ABCA4: variants seen among roughly 807,000 people sequenced by gnomAD.
ABCA4 encodes retinal-specific phospholipid-transporting ATPase ABCA4.
In ABCA4, 196 loss-of-function variants were observed where a neutral mutation model predicts 263.7. That is an observed-to-expected ratio of 0.74 (90% CI 0.66 to 0.84). The LOEUF (loss-of-function observed/expected upper bound fraction) is 0.84. ABCA4 is among the 40% of genes least tolerant of loss of function. The pLI is 0.00. For missense variants in ABCA4, 2,792 were observed against 2,855.1 expected, an observed-to-expected ratio of 0.98 and a Z score of 0.50; for synonymous variants, 1,133 against 1,094.2, an observed-to-expected ratio of 1.04 and a Z score of -0.70.
chr1:94,021,793 T>C, intron 33 of ABCA4, 53 bp downstream of exon 33: 2 of 1,606,580 alleles, frequency 1.2e-6, no homozygotes, highest in Admixed American at 1.7e-5. Context: ...TTCTCATTCA[T>C]GGTAGTTAAG....
chr1:94,017,731 G>GA (rs1659778724), intron 36 of ABCA4, among the ~76,000 whole-genome samples: 1 of 152,116 alleles, frequency 6.6e-6, no homozygotes, highest in South Asian at 2.1e-4. Flanking sequence ...GTGTGAGAGA[G>GA]AGAGACAGGA....
At position 94,060,544 on chromosome 1, in the gene ABCA4, A is replaced by T; in HGVS notation, c.2153T>A (p.Phe718Tyr). Residue 718 changes from phenylalanine to tyrosine, a missense_variant, in exon 14 of 50, where the codon TTC becomes TAC. Phe to Tyr is a conservative substitution (Grantham distance 22). Coordinates refer to ENST00000370225, the MANE Select transcript of ABCA4 (RefSeq NM_000350.3). ...MSMSIFLLTI[F>Y]IMHGRILHYS... ...CTTCTCCATTTGGCTTACCATGATG[A>T]ATATCGTCAGGAGGAAGATGCTCAT... 6.2e-7 allele frequency: 1 copy of T among 1,613,854 alleles called. No homozygotes were observed. The highest frequency in any genetic ancestry group is 8.5e-7 in the Non-Finnish European group (1 of 1,179,988).
intron 31 of ABCA4, 60 bp from the exon 32 acceptor site, chr1:94,023,478 T>G: frequency 2.2e-6 from 3 of 1,385,380 alleles, no homozygotes; most frequent in Non-Finnish European, 3.1e-6. Context: ...CCGTTAACTT[T>G]CTTTCCCAAA....
Position 94,063,372 on chromosome 1 carries a change from A to G in ABCA4, c.1555-55T>C. On this transcript the variant is annotated intron_variant, in intron 11 of 49. Transcript: ENST00000370225. ...TGAGGAGGACCAACTGCAAAGACTC[A>G]ACTCTACACACAGAAAGTCACAGGA... The G allele has an allele frequency of 5.3e-6, 8 of 1,519,072 alleles. No individual in the cohort carries two copies. In the South Asian group the frequency reaches 9.0e-5, roughly 17 times the overall value. The allele number at this position is 1,519,072 out of a possible 1,614,324, so 94.1% of individuals were successfully genotyped here.
intron 47 of ABCA4, among the ~76,000 whole-genome samples, chr1:94,000,562 T>G (rs1275556917): frequency 6.6e-6 from 1 of 152,176 alleles, no homozygotes; most frequent in Non-Finnish European, 1.5e-5. Flanking sequence ...CAGCCCTCCC[T>G]CATCCCAGCC....
chr1:94,018,718 G>T, intron 36 of ABCA4: 1 of 414,050 alleles, frequency 2.4e-6, no homozygotes, highest in South Asian at 1.8e-5. Flanking sequence ...ATAAATTGGG[G>T]TTGATGTCAT....
At chr1:94,086,805 C>G (rs978123407) in intron 6 of ABCA4, among the ~76,000 whole-genome samples, 1 of 152,234 alleles carries the variant, frequency 6.6e-6, no homozygotes, top group Admixed American at 6.5e-5. Flanking sequence ...GGAGAACACC[C>G]TGCCCCAAAT....
chr1:94,080,774 T>G, intron 7 of ABCA4, 56 bp from the exon 8 acceptor site: 1 of 1,611,444 alleles, frequency 6.2e-7, no homozygotes, highest in Non-Finnish European at 8.5e-7. Context: ...CATAATCTGC[T>G]GTGAGGCCAA....
chr1:94,008,278 C>A lies in ABCA4; in HGVS notation c.5855G>T (p.Ser1952Ile). ...ELTKIYPGTS[S>I]PAVDRLCVGV... is the part of the protein sequence containing the mutation. ...GACACACAGCCTGTCCACTGCTGGG[C>A]TGGAGGTGCCTGGATAAATCTGCAA... is the stretch of plus-strand genomic sequence containing the variant. The change falls in exon 42 of 50, where the codon AGC becomes ATC. Residue 1952 changes from serine (S) to isoleucine (I), a missense_variant. Coordinates refer to ENST00000370225, the MANE Select transcript of ABCA4 (RefSeq NM_000350.3). 1 of 1,614,122 alleles carries A rather than the reference C, an allele frequency of 6.2e-7. No individual in the cohort carries two copies. Among genetic ancestry groups the A allele is most frequent in the Non-Finnish European group, 8.5e-7 (1 of 1,180,028 alleles).
rs185590596 is a variant in ABCA4, at chr1:94,065,448, G to A, written c.1555-2131C>T. 1.8e-3 allele frequency among the ~76,000 whole-genome samples: 280 copies of A among 152,282 alleles called. 2 individuals carry two copies. Among genetic ancestry groups the A allele is most frequent in the Non-Finnish European group, 1.7e-3 (114 of 68,030 alleles). On this transcript the variant is annotated intron_variant, in intron 11 of 49. Coordinates refer to ENST00000370225, the MANE Select transcript of ABCA4 (RefSeq NM_000350.3). ...CCACAGAACCAAGCTCCACTGCACT[G>A]GGAAGAAGTAGGCAATCCCAATTCA...
At position 94,080,462 on chromosome 1, in the gene ABCA4, G is replaced by C. The variant is rs750589580; in HGVS notation, c.1099+16C>G. The stretch of plus-strand genomic sequence containing the variant: ...ACATGAGAGGCCAATTTATAAGCAG[G>C]ACTCAGAAAACTTACTTGTTCTTCT... On this transcript the variant is annotated intron_variant, in intron 8 of 49. Transcript: ENST00000370225. The C allele has an allele frequency of 6.2e-7, 1 of 1,614,034 alleles. No individual in the cohort carries two copies. Among genetic ancestry groups the C allele is most frequent in the South Asian group, 1.1e-5 (1 of 91,016 alleles).
chr1:94,098,194 T>C (rs1412255538), intron 6 of ABCA4, among the ~76,000 whole-genome samples: 5 of 152,238 alleles, frequency 3.3e-5, no homozygotes. Flanking sequence ...GATGCAGTTC[T>C]AGAACAAAGG....
chr1:94,081,245 A>G (rs1018567448), intron 7 of ABCA4, among the ~76,000 whole-genome samples: 1 of 151,608 alleles, frequency 6.6e-6, no homozygotes, highest in East Asian at 1.9e-4. Context: ...CAACAACAAC[A>G]ACAAATCACA....
chr1:94,119,693 A>C (rs1330708383), intron 1 of ABCA4, among the ~76,000 whole-genome samples: 1 of 151,892 alleles, frequency 6.6e-6, no homozygotes, highest in Non-Finnish European at 1.5e-5. Flanking sequence ...TGTGTCCTGC[A>C]ATTGCTACCT....
chr1:94,088,737 A>G (rs995745465), intron 6 of ABCA4, among the ~76,000 whole-genome samples: 3 of 152,178 alleles, frequency 2.0e-5, no homozygotes, highest in African/African-American at 4.8e-5. Flanking sequence ...GACATCTGAA[A>G]GGCTACTTTA....
chr1:93,995,981 C>CAT (rs1658988509), intron 49 of ABCA4, 128 bp downstream of exon 49: 2 of 764,610 alleles, frequency 2.6e-6, no homozygotes, highest in African/African-American at 3.4e-5. Context: ...TGGTAGGGAC[C>CAT]GTGGTGTGGG....
At position 94,037,334 on chromosome 1, in the gene ABCA4, C is replaced by A. The variant is rs559412924; in HGVS notation, c.3624G>T (p.Leu1208=). Residue 1208 remains leucine (L), a synonymous_variant, in exon 25 of 50, where the codon CTG becomes CTT. Transcript: ENST00000370225. ...GAACATGGTGGAGAACTACATCCAT[C>A]AGCTCATTTACATCCCCTAGGACAA... ...EQVLDGDVNE[L]MDVVLHHVPE... The A allele has an allele frequency of 6.2e-7, 1 of 1,614,190 alleles. No homozygotes were observed. Among genetic ancestry groups the A allele is most frequent in the East Asian group, 2.2e-5 (1 of 44,888 alleles).
At chr1:94,075,146 C>T (rs542336294) in intron 11 of ABCA4, among the ~76,000 whole-genome samples, 76 of 152,216 alleles carry the variant, frequency 5.0e-4, no homozygotes, top group African/African-American at 1.8e-3. Flanking sequence ...GAACATCACA[C>T]ACCGGAGCCT....
At chr1:94,046,096 G>T (rs931299695) in intron 19 of ABCA4, 26 of 369,200 alleles carry the variant, frequency 7.0e-5, no homozygotes, top group African/African-American at 5.3e-4. Flanking sequence ...ACCCTCATCA[G>T]CTGATGTTGA....
Sources: gnomAD v4.1 joint callset for allele counts (sites outside exome capture counted in the v4.1 genomes callset) on GRCh38, gnomAD v4.1.1 for gene constraint, MANE v1.5 for transcripts, NCBI Gene and HGNC (gene_info 2026-07-23, HGNC 2026-07-21) for gene names.